Variants in CARD14 observed in about 807,000 individuals in gnomAD.
CARD14 encodes the protein caspase recruitment domain family member 14.
A neutral mutation model predicts 111.5 loss-of-function variants in CARD14; 107 were observed. The ratio of observed to expected loss-of-function variants is 0.96; its 90% CI spans 0.82 to 1.13. CARD14 has a LOEUF of 1.13. Among genes scored for constraint, CARD14 ranks in the 50% most tolerant of loss-of-function variants. The pLI, the probability that CARD14 is intolerant of heterozygous loss-of-function variation, is 0.00. For missense variants in CARD14, 1,322 were observed against 1,362.3 expected, an observed-to-expected ratio of 0.97 and a Z score of 0.47; for synonymous variants, 617 against 579.6, an observed-to-expected ratio of 1.06 and a Z score of -0.93.
At position 80,188,295 on chromosome 17, in the gene CARD14, G is replaced by A; in HGVS notation, c.676-82G>A. 7.1e-7 allele frequency: 1 copy of A among 1,404,682 alleles called. No individual in the cohort carries two copies. The highest frequency in any genetic ancestry group is 9.5e-7 in the Non-Finnish European group (1 of 1,051,200). 87.0% of individuals were successfully genotyped at this position (1,404,682 alleles called of 1,614,324 possible). ...CTGAGTGCTAAAAGCATCATTAGGAGGAAGGGTGAGAAATGCCCCCAGCTC... is the reference window on the plus strand; with the variant it reads ...CTGAGTGCTAAAAGCATCATTAGGAAGAAGGGTGAGAAATGCCCCCAGCTC... On this transcript the variant is annotated intron_variant, in intron 7 of 23. Coordinates refer to ENST00000648509, the MANE Select transcript of CARD14 (RefSeq NM_001366385.1). The surrounding 1 kb of genome is among the most constrained non-coding windows in gnomAD (Gnocchi z 4.5).
In CARD14 at chr17:80,178,510, T is replaced by C. The variant is rs1049843542; in HGVS notation, c.-364T>C. On this transcript the variant is annotated splice_region_variant and 5_prime_UTR_variant, in exon 3 of 24. Transcript: ENST00000648509. ...ACCTGGTGCTGCTTTGACTTCAGGC[T>C]CTTCCTTCTGCCCAGCTCCGTCCCA... 1.3e-5 allele frequency: 2 copies of C among 152,318 alleles called. No homozygotes were observed. Among genetic ancestry groups the C allele is most frequent in the African/African-American group, 4.8e-5 (2 of 41,440 alleles). 9.4% of individuals were successfully genotyped at this position (152,318 alleles called of 1,614,324 possible). A position where few individuals can be genotyped will look rare whatever the true frequency, so the allele number is the denominator to read the frequency against.
At position 80,190,864 on chromosome 17, in the gene CARD14, GC is replaced by G; in HGVS notation, c.1057del (p.Gln353ArgfsTer40). On this transcript the variant is annotated frameshift_variant, in exon 10 of 24. Transcript: ENST00000648509. LOFTEE classifies it high-confidence loss of function. The part of the protein sequence containing the change: ...LYREKVNALQ[A>X]QVCELQKERD... The stretch of plus-strand genomic sequence containing the variant: ...CAGGGAGAAGGTGAATGCGCTGCAG[GC>G]CCAGGTGTGCGAGCTGCAGAAGGAG... 1 of 1,614,020 alleles carries G rather than the reference GC, an allele frequency of 6.2e-7. No individual in the cohort carries two copies. The highest frequency in any genetic ancestry group is 8.5e-7 in the Non-Finnish European group (1 of 1,180,012).
intron 7 of CARD14, among the ~76,000 whole-genome samples, chr17:80,186,546 T>A (rs1446150910): frequency 6.6e-6 from 1 of 152,148 alleles, no homozygotes; most frequent in African/African-American, 2.4e-5. Context: ...TTTTTTATTT[T>A]TATTTTTTGG....
At chr17:80,193,931 AG>A (rs943097646) in intron 12 of CARD14, among the ~76,000 whole-genome samples, 24 of 152,166 alleles carry the variant, frequency 1.6e-4, no homozygotes, top group Non-Finnish European at 3.2e-4. Flanking sequence ...TGGGTCAGGG[AG>A]GGAAGGGACC....
intron 9 of CARD14, 147 bp from the exon 10 acceptor site, chr17:80,190,627 A>AGG (rs1361739784): frequency 9.6e-6 from 8 of 831,766 alleles, no homozygotes; most frequent in Non-Finnish European, 1.4e-5. Flanking sequence ...AAAAAAAAAA[A>AGG]AAGAGAGAGA....
intron 16 of CARD14, among the ~76,000 whole-genome samples, chr17:80,199,516 T>C (rs550237765): frequency 7.4e-6 from 1 of 135,252 alleles, no homozygotes; most frequent in African/African-American, 2.8e-5. Flanking sequence ...GAGCTAAGAT[T>C]GCACCACTGC....
At chr17:80,199,110 G>A (rs1007156047) in intron 16 of CARD14, among the ~76,000 whole-genome samples, 5 of 152,026 alleles carry the variant, frequency 3.3e-5, no homozygotes, top group Admixed American at 6.6e-5. Flanking sequence ...ATGCGCTACC[G>A]TGCCCGGCTA....
At chr17:80,186,879 G>C (rs1598645661) in intron 7 of CARD14, among the ~76,000 whole-genome samples, 1 of 152,178 alleles carries the variant, frequency 6.6e-6, no homozygotes, top group Admixed American at 6.5e-5. Flanking sequence ...ACAAGATGTG[G>C]GCGTAGGTGT....
intron 21 of CARD14, 29 bp downstream of exon 21, chr17:80,205,234 C>A: frequency 1.3e-6 from 2 of 1,576,566 alleles, no homozygotes; most frequent in Non-Finnish European, 1.7e-6. Flanking sequence ...ATCCCTCTAC[C>A]CCTTCCACCT....
rs771338077 is a variant in CARD14, at chr17:80,191,312, G to T, written c.1090-11G>T. 6.2e-7 allele frequency: 1 copy of T among 1,603,598 alleles called. No individual in the cohort carries two copies. Among genetic ancestry groups the T allele is most frequent in the African/African-American group, 1.3e-5 (1 of 74,874 alleles). On this transcript the variant is annotated splice_polypyrimidine_tract_variant and intron_variant, in intron 10 of 23. Transcript: ENST00000648509. ...ATGGCGCGGCCTCCTTACTCCCGTC[G>T]TGGCCCACAGGCGTACTCCGCGAGG... is the stretch of plus-strand genomic sequence containing the variant.
Position 80,195,497 on chromosome 17 carries a change from C to A in CARD14, c.1500-61C>A. 1.3e-6 allele frequency: 2 copies of A among 1,536,360 alleles called. No homozygotes were observed. The highest frequency in any genetic ancestry group is 1.2e-5 in the South Asian group (1 of 84,172). On this transcript the variant is annotated intron_variant, in intron 13 of 23. Transcript: ENST00000648509. This position sits in a 1 kb window ranked among gnomAD's most constrained non-coding sequence, Gnocchi z 4.7. The stretch of plus-strand genomic sequence containing the variant: ...AGGTGCTGGGGGCCAGTGCTTGGGG[C>A]GTGGGGACTCAGAGGGAGCAGGTGA...
rs942381352 is a variant in CARD14, at chr17:80,185,172, C to T, written c.675+934C>T. Among the ~76,000 whole-genome samples, 8 of 152,126 alleles carry T rather than the reference C, an allele frequency of 5.3e-5. 1 individual carries two copies. In the South Asian group the frequency reaches 8.3e-4, roughly 16 times the overall value. Reference sequence around the variant, plus strand: ...TGAGCTCAAGTGATCCCCAGCCTCCCGAGTAGCTGGGACTACAGATTGTAC... The same window carrying T: ...TGAGCTCAAGTGATCCCCAGCCTCCTGAGTAGCTGGGACTACAGATTGTAC... On this transcript the variant is annotated intron_variant, in intron 7 of 23. Coordinates refer to ENST00000648509, the MANE Select transcript of CARD14 (RefSeq NM_001366385.1).
chr17:80,198,407 T>C lies in CARD14; in HGVS notation c.1667T>C (p.Leu556Pro). 7 of 1,601,796 alleles carry C rather than the reference T, an allele frequency of 4.4e-6. No individual in the cohort carries two copies. Among genetic ancestry groups the C allele is most frequent in the Non-Finnish European group, 6.0e-6 (7 of 1,171,898 alleles). The change falls in exon 16 of 24, where the codon CTC becomes CCC. Residue 556 changes from leucine to proline, a missense_variant. Coordinates refer to ENST00000648509, the MANE Select transcript of CARD14 (RefSeq NM_001366385.1). The surrounding 1 kb of genome is among the most constrained non-coding windows in gnomAD (Gnocchi z 7.5). ...GRLDVSESGV[L>P]MRRRPARRIL... is the part of the protein sequence containing the mutation. ...CGTCTCCCGGCCTGCAGCGGCGTCC[T>C]CATGCGGCGGAGGCCAGCCCGCAGG...
chr17:80,178,196 G>T (rs1160843353), intron 2 of CARD14, among the ~76,000 whole-genome samples: 1 of 152,190 alleles, frequency 6.6e-6, no homozygotes, highest in African/African-American at 2.4e-5. Flanking sequence ...GGGTATGAGT[G>T]GCCTGGCCCT....
intron 23 of CARD14, 100 bp downstream of exon 23, chr17:80,207,185 G>A: frequency 1.3e-6 from 1 of 761,136 alleles, no homozygotes; most frequent in Non-Finnish European, 2.1e-6. Flanking sequence ...GCGGTTTGCA[G>A]GAAGCTGAGG....
intron 12 of CARD14, among the ~76,000 whole-genome samples, chr17:80,192,931 T>C (rs925937317): frequency 6.6e-6 from 1 of 152,126 alleles, no homozygotes; most frequent in Non-Finnish European, 1.5e-5. Context: ...TTTGTGTTTT[T>C]AGTAGAGAGG....
intron 4 of CARD14, among the ~76,000 whole-genome samples, chr17:80,179,908 G>A (rs1383709879): frequency 6.6e-6 from 1 of 152,290 alleles, no homozygotes. Flanking sequence ...GAACAAAAAG[G>A]CGCCATCTGC....
intron 21 of CARD14, 47 bp downstream of exon 21, chr17:80,205,252 C>T: frequency 6.6e-7 from 1 of 1,506,742 alleles, no homozygotes; most frequent in Non-Finnish European, 9.1e-7. Context: ...CCTTCCCTCC[C>T]TCCCTCCTCC....
chr17:80,190,234 C>G (rs1461092824), intron 9 of CARD14, among the ~76,000 whole-genome samples: 1 of 152,288 alleles, frequency 6.6e-6, no homozygotes, highest in South Asian at 2.1e-4. Context: ...CAAAACACAA[C>G]TATGCATGCA....
Sources: allele counts gnomAD v4.1 joint callset (sites outside exome capture counted in the v4.1 genomes callset), GRCh38; gene constraint gnomAD v4.1.1; non-coding constraint Gnocchi (gnomAD v3.1); transcripts MANE v1.5; gene names NCBI Gene and HGNC (gene_info 2026-07-23, HGNC 2026-07-21).